Variants in PRKCG observed in about 807,000 individuals in gnomAD.
PRKCG encodes the protein protein kinase C gamma.
In PRKCG, 28 loss-of-function variants were observed where a neutral mutation model predicts 82.0. The ratio of observed to expected loss-of-function variants is 0.34; its 90% CI spans 0.25 to 0.47. The LOEUF is 0.47. Ranked by LOEUF, PRKCG falls within the 20% of genes least tolerant of loss-of-function variation. The pLI is 1.00. For missense variants in PRKCG, 640 were observed against 952.7 expected (o/e 0.67, Z 4.32); for synonymous variants, 383 against 376.6 (o/e 1.02, Z -0.20).
Position 53,893,363 on chromosome 19 carries a change from C to A in PRKCG, c.911C>A (p.Ala304Asp). The A allele has an allele frequency of 1.2e-6, 2 of 1,613,572 alleles. No individual in the cohort carries two copies. The highest frequency in any genetic ancestry group is 1.7e-6 in the Non-Finnish European group (2 of 1,179,470). The change falls in exon 9 of 18, where the codon GCT becomes GAT. Residue 304 changes from alanine to aspartate, a missense_variant and splice_region_variant. Physicochemically the swap from Ala to Asp is moderately radical, Grantham distance 126 (BLOSUM62 -2). Coordinates refer to ENST00000263431, the MANE Select transcript of PRKCG (RefSeq NM_002739.5). ...DNCSLLQKFE[A>D]CNYPLELYER... ...GACTCTCTCTTTCTTTTCTCCCAGG[C>A]TTGTAACTACCCCCTGGAATTGTAT... is the stretch of plus-strand genomic sequence containing the variant.
intron 10 of PRKCG, 40 bp downstream of exon 10, chr19:53,898,151 G>A (rs2068731317): frequency 1.9e-6 from 3 of 1,608,738 alleles, no homozygotes; most frequent in Admixed American, 1.7e-5. Flanking sequence ...GAGGATGTCT[G>A]TGGGAAGGTC....
intron 5 of PRKCG, 106 bp downstream of exon 5, chr19:53,890,123 G>C (rs1453773912): frequency 1.6e-6 from 2 of 1,251,492 alleles, no homozygotes; most frequent in Admixed American, 2.0e-5. Flanking sequence ...ATGGGGCCAC[G>C]CCTCTTTCTA....
rs3745406 is a variant in PRKCG at position 53,891,711 on chromosome 19, T to C, written c.567T>C (p.Asn189=). Residue 189 remains asparagine (N), a synonymous_variant, in exon 6 of 18, where the codon AAT becomes AAC. Transcript: ENST00000263431. ...GTAACCTAATTCCTATGGACCCCAA[T>C]GGTCTCTCTGATCCCTATGTGAAAC... ...EARNLIPMDP[N]GLSDPYVKLK... is the part of the protein sequence containing the mutation. 0.41 allele frequency: 655,887 copies of C among 1,613,570 alleles called. 135,641 individuals carry two copies. Among genetic ancestry groups the C allele is most frequent in the Admixed American group, 0.45 (27,232 of 59,964 alleles).
At chr19:53,891,630 C>T (rs767949981) in intron 5 of PRKCG, 44 bp from the exon 6 acceptor site, 5 of 1,609,442 alleles carry the variant, frequency 3.1e-6, no homozygotes, top group African/African-American at 1.3e-5. Flanking sequence ...GGAGCCCCTT[C>T]CTGGATCTCT....
At chr19:53,904,777 C>T (rs2068789667) in intron 16 of PRKCG, 35 bp downstream of exon 16, 1 of 1,503,204 alleles carries the variant, frequency 6.7e-7, no homozygotes, top group Non-Finnish European at 9.2e-7. Flanking sequence ...TCTCCAGGCT[C>T]ACAACCACAC....
At chr19:53,903,801 A>G (rs1366716004) in intron 15 of PRKCG, among the ~76,000 whole-genome samples, 1 of 152,246 alleles carries the variant, frequency 6.6e-6, no homozygotes, top group African/African-American at 2.4e-5. Context: ...CAAAACTTTT[A>G]AAATTTAATT....
upstream of PRKCG, chr19:53,881,973 G>C (rs377177266): frequency 4.4e-6 from 1 of 225,054 alleles, no homozygotes; most frequent in Non-Finnish European, 9.0e-6. Flanking sequence ...AGGCACCCTA[G>C]TGGGGGAGGA....
chr19:53,891,311 G>C (rs1189237410), intron 5 of PRKCG, among the ~76,000 whole-genome samples: 5 of 142,888 alleles, frequency 3.5e-5, no homozygotes, highest in African/African-American at 1.3e-4. Flanking sequence ...GAGTCTCGCT[G>C]TGACGCCCAG....
chr19:53,890,418 G>A (rs1477215627), intron 5 of PRKCG, among the ~76,000 whole-genome samples: 1 of 151,050 alleles, frequency 6.6e-6, no homozygotes, highest in Non-Finnish European at 1.5e-5. Flanking sequence ...CACCAAGCCC[G>A]GCTAATTTTT....
intron 9 of PRKCG, 129 bp from the exon 10 acceptor site, chr19:53,897,830 G>T: frequency 3.2e-6 from 4 of 1,255,856 alleles, no homozygotes; most frequent in Non-Finnish European, 3.4e-6. Context: ...CAGGGTAGGA[G>T]GGTGGCCATT....
chr19:53,892,476 G>C lies in PRKCG; in HGVS notation c.687-33G>C. The stretch of plus-strand genomic sequence containing the variant: ...GGAACCGAGGGGAGCCATGAGCTCG[G>C]CTCTGCACCCCATCCACCCCACCTT... On this transcript the variant is annotated intron_variant, in intron 6 of 17. Coordinates refer to ENST00000263431, the MANE Select transcript of PRKCG (RefSeq NM_002739.5). The surrounding 1 kb of genome is among the most constrained non-coding windows in gnomAD (Gnocchi z 5.9). The C allele has an allele frequency of 6.2e-7, 1 of 1,601,894 alleles. No homozygotes were observed. The highest frequency in any genetic ancestry group is 8.5e-7 in the Non-Finnish European group (1 of 1,176,970).
rs2068621198 is a variant in PRKCG at position 53,884,988 on chromosome 19, TG to T, written c.285+746del. 6.6e-6 allele frequency among the ~76,000 whole-genome samples: 1 copy of T among 152,146 alleles called. No individual in the cohort carries two copies. The highest frequency in any genetic ancestry group is 2.1e-4 in the South Asian group (1 of 4,824). On this transcript the variant is annotated intron_variant, in intron 3 of 17. Coordinates refer to ENST00000263431, the MANE Select transcript of PRKCG (RefSeq NM_002739.5). This position sits in a 1 kb window ranked among gnomAD's most constrained non-coding sequence, Gnocchi z 4.6. ...GCTCACAAGACCAGTCAACCCTGAGTGCCCATTCCCGTTCCCTTTTCTGCTT... is the reference window on the plus strand; with the variant it reads ...GCTCACAAGACCAGTCAACCCTGAGTCCCATTCCCGTTCCCTTTTCTGCTT...
intron 9 of PRKCG, among the ~76,000 whole-genome samples, chr19:53,896,488 C>CAGCTCACT (rs907989752): frequency 6.6e-6 from 1 of 151,928 alleles, no homozygotes; most frequent in African/African-American, 2.4e-5. Context: ...GGAGCGATCT[C>CAGCTCACT]AGCTCACTGC....
chr19:53,905,914 G>GTCTCTC (rs371309466), intron 16 of PRKCG, among the ~76,000 whole-genome samples: 18 of 126,548 alleles, frequency 1.4e-4, no homozygotes, highest in South Asian at 8.0e-4. Flanking sequence ...CCTTCTTCCT[G>GTCTCTC]TCTCTCTCTC....
At chr19:53,897,664 C>T (rs2068727193) in intron 9 of PRKCG, among the ~76,000 whole-genome samples, 1 of 151,766 alleles carries the variant, frequency 6.6e-6, no homozygotes. Context: ...GTGCTAGTCT[C>T]CTCTTCTGTA....
At chr19:53,891,637 C>T (rs2068677040) in intron 5 of PRKCG, 37 bp from the exon 6 acceptor site, 1 of 1,611,596 alleles carries the variant, frequency 6.2e-7, no homozygotes, top group East Asian at 2.2e-5. Flanking sequence ...CTTCCTGGAT[C>T]TCTAACCCGT....
chr19:53,898,333 G>T lies in PRKCG; in HGVS notation c.1093-107G>T, dbSNP rs2068732507. 2.1e-6 allele frequency: 3 copies of T among 1,455,528 alleles called. No homozygotes were observed. In the East Asian group the frequency reaches 6.9e-5, roughly 34 times the overall value. 90.2% of individuals were successfully genotyped at this position (1,455,528 alleles called of 1,614,324 possible). A position where few individuals can be genotyped will look rare whatever the true frequency, so the allele number is the denominator to read the frequency against. ...CAGGGCTGTCAGTCCCTTAAGAGAT[G>T]GAGGAAGGGCCTGGGATCCCGTTTC... On this transcript the variant is annotated intron_variant, in intron 10 of 17. Coordinates refer to ENST00000263431, the MANE Select transcript of PRKCG (RefSeq NM_002739.5).
chr19:53,896,379 T>TG (rs1568757513), intron 9 of PRKCG, among the ~76,000 whole-genome samples: 4 of 2,550 alleles, frequency 1.6e-3, no homozygotes, highest in East Asian at 0.025. Flanking sequence ...CAGCCCTGAT[T>TG]ATTATTATTA....
Position 53,882,361 on chromosome 19 carries a change from T to C in PRKCG, c.-134T>C, listed in dbSNP as rs988069778. Reference sequence around the variant, plus strand: ...GCCTGGCGCGCTCCGCACCTGGAGGTGCCTTGCCCCTCTCCTGCCCACCTC... The same window carrying C: ...GCCTGGCGCGCTCCGCACCTGGAGGCGCCTTGCCCCTCTCCTGCCCACCTC... On this transcript the variant is annotated 5_prime_UTR_variant, in exon 1 of 18. Transcript: ENST00000263431. This position sits in a 1 kb window ranked among gnomAD's most constrained non-coding sequence, Gnocchi z 6.1. 3.0e-6 allele frequency: 4 copies of C among 1,316,740 alleles called. No individual in the cohort carries two copies. The highest frequency in any genetic ancestry group is 4.2e-6 in the Non-Finnish European group (4 of 954,144). The allele number at this position is 1,316,740 out of a possible 1,614,324, so 81.6% of individuals were successfully genotyped here. A position where few individuals can be genotyped will look rare whatever the true frequency, so the allele number is the denominator to read the frequency against.
Sources: gnomAD v4.1 joint callset for allele counts (sites outside exome capture counted in the v4.1 genomes callset) on GRCh38, gnomAD v4.1.1 for gene constraint, Gnocchi (gnomAD v3.1) non-coding constraint, MANE v1.5 for transcripts, NCBI Gene and HGNC (gene_info 2026-07-23, HGNC 2026-07-21) for gene names.